Variants in DENND10 observed in about 807,000 individuals in gnomAD.
The protein encoded by DENND10 is DENN domain containing 10.
In DENND10, 24 loss-of-function variants were observed where a neutral mutation model predicts 43.6. That is an observed-to-expected ratio of 0.55 (90% CI 0.40 to 0.77). The LOEUF (loss-of-function observed/expected upper bound fraction) is 0.77, where lower values mean the gene tolerates loss of function less well. DENND10 is among the 30% of genes least tolerant of loss of function. DENND10 has a pLI of 0.00. For missense variants in DENND10, 303 were observed against 429.9 expected, an observed-to-expected ratio of 0.70 and a Z score of 2.61; for synonymous variants, 125 against 157.6, an observed-to-expected ratio of 0.79 and a Z score of 1.55.
rs565986270 is a variant in DENND10, at chr10:119,120,383, C to T, written c.524C>T (p.Thr175Ile). The T allele has an allele frequency of 6.2e-7, 1 of 1,613,104 alleles. No individual in the cohort carries two copies. Among genetic ancestry groups the T allele is most frequent in the East Asian group, 2.2e-5 (1 of 44,880 alleles). The change falls in exon 5 of 9, where the codon ACA (threonine) becomes ATA (isoleucine). Residue 175 changes from threonine (T) to isoleucine (I), a missense_variant. Physicochemically the swap from Thr to Ile is moderately conservative, Grantham distance 89. Transcript: ENST00000361432. Reference protein sequence around the residue: ...QFGMETVILHTALMLKKRIVV... With the variant: ...QFGMETVILHIALMLKKRIVV... ...GGAATGGAAACTGTTATCTTACACA[C>T]AGCACTGATGCTAAAGAAAAGAATT... is the stretch of plus-strand genomic sequence containing the variant.
chr10:119,111,765 CA>C (rs1844987122), intron 2 of DENND10, 83 bp from the exon 3 acceptor site: 2 of 1,080,106 alleles, frequency 1.9e-6, no homozygotes, highest in South Asian at 2.6e-5. Context: ...GTGTCTTATA[CA>C]AAAGGTTTGT....
intron 1 of DENND10, 147 bp downstream of exon 1, chr10:119,104,344 G>A: frequency 1.4e-6 from 1 of 702,796 alleles, no homozygotes; most frequent in Non-Finnish European, 2.2e-6. Context: ...CTGGACTGGG[G>A]ACTGCGGAGC....
At chr10:119,108,443 A>C (rs1005079519) in intron 2 of DENND10, among the ~76,000 whole-genome samples, 1 of 149,806 alleles carries the variant, frequency 6.7e-6, no homozygotes, top group African/African-American at 2.5e-5. Flanking sequence ...AGATTGTGCC[A>C]CTGCACTCCA....
intron 2 of DENND10, 117 bp downstream of exon 2, chr10:119,108,281 C>A: frequency 1.3e-6 from 1 of 750,354 alleles, no homozygotes; most frequent in Non-Finnish European, 2.3e-6. Context: ...TCAAGAGATT[C>A]AGACCATCCT....
chr10:119,128,788 GA>G (rs1845948171), intron 6 of DENND10, among the ~76,000 whole-genome samples: 1 of 152,070 alleles, frequency 6.6e-6, no homozygotes, highest in East Asian at 1.9e-4. Flanking sequence ...TGGAGCAGGA[GA>G]AAGGTGGGGG....
At position 119,137,820 on chromosome 10, in the gene DENND10, T is replaced by C. The variant is rs1386132117; in HGVS notation, c.*1173T>C. On this transcript the variant is annotated 3_prime_UTR_variant, in exon 9 of 9. Coordinates refer to ENST00000361432, the MANE Select transcript of DENND10 (RefSeq NM_207009.4). ...AGGGAGTACCTGAAATAAGACAATGTTTACTAAGGCAAATAATTGAAAATT... is the reference window on the plus strand; with the variant it reads ...AGGGAGTACCTGAAATAAGACAATGCTTACTAAGGCAAATAATTGAAAATT... 1.2e-5 allele frequency: 2 copies of C among 166,160 alleles called. No individual in the cohort carries two copies. The highest frequency in any genetic ancestry group is 2.9e-5 in the Non-Finnish European group (2 of 67,978). The allele number at this position is 166,160 out of a possible 1,614,324, so 10.3% of individuals were successfully genotyped here.
intron 3 of DENND10, among the ~76,000 whole-genome samples, chr10:119,115,611 G>C (rs2133477385): frequency 6.8e-6 from 1 of 146,562 alleles, no homozygotes; most frequent in East Asian, 2.0e-4. Flanking sequence ...GGATGGTCTC[G>C]ATCTCCTGAC....
rs752650472 is a variant in DENND10 at position 119,120,437 on chromosome 10, T to C, written c.578T>C (p.Val193Ala). Residue 193 changes from valine (V) to alanine (A), a missense_variant, in exon 5 of 9, where the codon GTC (valine) becomes GCC (alanine). Val to Ala is a moderately conservative substitution (Grantham distance 64). Coordinates refer to ENST00000361432, the MANE Select transcript of DENND10 (RefSeq NM_207009.4). Reference sequence around the variant, plus strand: ...GTGTATCACCCCAAGATAGAAGCGGTCCAGGAGTTCACCAGGTATCACCTC... The same window carrying C: ...GTGTATCACCCCAAGATAGAAGCGGCCCAGGAGTTCACCAGGTATCACCTC... ...IVVYHPKIEA[V>A]QEFTRTLPAL... 6.2e-7 allele frequency: 1 copy of C among 1,605,414 alleles called. No individual in the cohort carries two copies. Among genetic ancestry groups the C allele is most frequent in the East Asian group, 2.2e-5 (1 of 44,826 alleles).
At chr10:119,107,866 T>C (rs878942338) in intron 1 of DENND10, 102 bp from the exon 2 acceptor site, 1 of 1,040,564 alleles carries the variant, frequency 9.6e-7, no homozygotes. Context: ...CTTTGTAAGA[T>C]GGGATGTTAA....
chr10:119,129,498 T>G lies in DENND10; in HGVS notation c.695-17T>G. The G allele has an allele frequency of 1.3e-6, 2 of 1,575,628 alleles. No individual in the cohort carries two copies. The highest frequency in any genetic ancestry group is 1.7e-6 in the Non-Finnish European group (2 of 1,145,002). ...TTTCTTCCTACTCCAGTAAGGTTGC[T>G]CATGTTTGTGATGCAGGTTACGTCG... is the stretch of plus-strand genomic sequence containing the variant. On this transcript the variant is annotated splice_polypyrimidine_tract_variant and intron_variant, in intron 6 of 8. Transcript: ENST00000361432.
intron 1 of DENND10, among the ~76,000 whole-genome samples, 188 bp from the exon 2 acceptor site, chr10:119,107,780 A>G (rs1844768150): frequency 6.6e-6 from 1 of 152,168 alleles, no homozygotes; most frequent in Non-Finnish European, 1.5e-5. Context: ...GTGGCCTGTA[A>G]TTCAGGATCA....
intron 1 of DENND10, among the ~76,000 whole-genome samples, chr10:119,104,530 G>GGCAGCT (rs895525366): frequency 6.7e-6 from 1 of 150,088 alleles, no homozygotes; most frequent in African/African-American, 2.4e-5. Context: ...TCCCAGGCTG[G>GGCAGCT]GCAGCTGCGA....
intron 1 of DENND10, among the ~76,000 whole-genome samples, chr10:119,106,089 G>T (rs1191681326): frequency 6.6e-6 from 1 of 152,098 alleles, no homozygotes; most frequent in African/African-American, 2.4e-5. Flanking sequence ...AGCTACTTAG[G>T]AGGCTGAGGC....
At chr10:119,129,276 C>T (rs1448604234) in intron 6 of DENND10, among the ~76,000 whole-genome samples, 3 of 152,198 alleles carry the variant, frequency 2.0e-5, no homozygotes, top group Non-Finnish European at 4.4e-5. Context: ...AAAGTAAATG[C>T]CCTACTTCAG....
rs537171734 is a variant in DENND10, at chr10:119,113,081, C to T, written c.332+1153C>T. The stretch of plus-strand genomic sequence containing the variant: ...GGCCAGGCTGGTCTTGAACTCCTGA[C>T]CTCAAGTGATCCGCCCGCCTTGGCC... On this transcript the variant is annotated intron_variant, in intron 3 of 8. Transcript: ENST00000361432. Among the ~76,000 whole-genome samples the T allele has an allele frequency of 1.1e-3, 158 of 147,420 alleles. 1 individual carries two copies. The highest frequency in any genetic ancestry group is 3.8e-3 in the African/African-American group (152 of 39,988).
intron 3 of DENND10, among the ~76,000 whole-genome samples, chr10:119,115,894 G>T (rs1400105161): frequency 6.6e-6 from 1 of 151,346 alleles, no homozygotes; most frequent in African/African-American, 2.4e-5. Flanking sequence ...CTCCCAAGTA[G>T]CTGGGATTAC....
At chr10:119,125,501 C>CTTTTTTT (rs34630434) in intron 6 of DENND10, among the ~76,000 whole-genome samples, 255 of 65,856 alleles carry the variant, frequency 3.9e-3, no homozygotes, top group Non-Finnish European at 5.5e-3. Context: ...TTCTAGTTTT[C>CTTTTTTT]TTTTTTTTTT....
At chr10:119,117,948 C>T (rs971014805) in intron 4 of DENND10, among the ~76,000 whole-genome samples, 1 of 150,920 alleles carries the variant, frequency 6.6e-6, no homozygotes, top group African/African-American at 2.4e-5. Context: ...GCCTGGGCAA[C>T]AGACGAGACT....
At chr10:119,110,123 G>A (rs1197120518) in intron 2 of DENND10, among the ~76,000 whole-genome samples, 1 of 151,856 alleles carries the variant, frequency 6.6e-6, no homozygotes, top group African/African-American at 2.4e-5. Flanking sequence ...AAAAAGATAG[G>A]TTTCAATATG....
Sources: gnomAD v4.1 joint callset for allele counts (sites outside exome capture counted in the v4.1 genomes callset) on GRCh38, gnomAD v4.1.1 for gene constraint, MANE v1.5 for transcripts, NCBI Gene and HGNC (gene_info 2026-07-23, HGNC 2026-07-21) for gene names.